TMEM260: variants seen among roughly 807,000 people sequenced by gnomAD.
TMEM260 encodes transmembrane protein 260, also known as protein O-mannosyl-transferase TMEM260.
A neutral mutation model predicts 88.9 loss-of-function variants in TMEM260; 82 were observed. The observed-to-expected ratio is 0.92, with a 90% CI of 0.77 to 1.11. The LOEUF is 1.11. Among genes scored for constraint, TMEM260 ranks in the 50% least tolerant of loss-of-function variants. TMEM260 has a pLI of 0.00. For synonymous variants in TMEM260, 314 were observed against 309.3 expected (o/e 1.02, Z -0.16); for missense variants, 902 against 853.4 (o/e 1.06, Z -0.71).
intron 3 of TMEM260, among the ~76,000 whole-genome samples, chr14:56,596,794 A>AAAAAATATATATAT (rs59623466): frequency 3.1e-4 from 42 of 136,298 alleles, no homozygotes; most frequent in African/African-American, 1.2e-3. Flanking sequence ...TAAAAAAAAA[A>AAAAAATATATATAT]ATATATATAT....
At chr14:56,642,881 C>G (rs766885236) in intron 15 of TMEM260, among the ~76,000 whole-genome samples, 2 of 152,144 alleles carry the variant, frequency 1.3e-5, no homozygotes, top group Non-Finnish European at 2.9e-5. Flanking sequence ...ACTATAAACA[C>G]GTCTATGCAA....
chr14:56,583,906 C>T (rs996979471), intron 1 of TMEM260, among the ~76,000 whole-genome samples: 2 of 151,952 alleles, frequency 1.3e-5, no homozygotes, highest in African/African-American at 4.8e-5. Context: ...AAAGCTTGAA[C>T]GTCATGCTGA....
At position 56,603,871 on chromosome 14, in the gene TMEM260, G is replaced by A. The variant is rs145455864; in HGVS notation, c.401G>A (p.Arg134His). Residue 134 changes from arginine to histidine, a missense_variant, in exon 4 of 16, where the codon CGT (arginine) becomes CAT (histidine). Coordinates refer to ENST00000261556, the MANE Select transcript of TMEM260 (RefSeq NM_017799.4). Reference sequence around the variant, plus strand: ...GCTGCGGGGGTGTTTTCATTTTCTCGTCTAACATGGCAGTGGTCCATTGCA... The same window carrying A: ...GCTGCGGGGGTGTTTTCATTTTCTCATCTAACATGGCAGTGGTCCATTGCA... ...ILAAGVFSFS[R>H]LTWQWSIAAE... 5.4e-5 allele frequency: 87 copies of A among 1,613,698 alleles called. No homozygotes were observed. Among genetic ancestry groups the A allele is most frequent in the South Asian group, 2.3e-4 (21 of 91,072 alleles).
At chr14:56,622,933 A>C (rs1355778977) in intron 11 of TMEM260, among the ~76,000 whole-genome samples, 1 of 152,166 alleles carries the variant, frequency 6.6e-6, no homozygotes, top group Non-Finnish European at 1.5e-5. Context: ...ATTCTGACAA[A>C]AGCTATGTTA....
chr14:56,614,943 T>C (rs939890763), intron 7 of TMEM260, among the ~76,000 whole-genome samples: 2 of 152,226 alleles, frequency 1.3e-5, no homozygotes, highest in African/African-American at 4.8e-5. Context: ...TGCATATCTC[T>C]AAATTGCAAT....
At chr14:56,592,147 C>G (rs1010898873) in intron 3 of TMEM260, among the ~76,000 whole-genome samples, 43 of 152,140 alleles carry the variant, frequency 2.8e-4, no homozygotes, top group African/African-American at 9.9e-4. Context: ...TTGATCAAAC[C>G]TCATGAAGTA....
At chr14:56,602,832 C>A (rs576526108) in intron 3 of TMEM260, among the ~76,000 whole-genome samples, 2 of 152,178 alleles carry the variant, frequency 1.3e-5, no homozygotes, top group African/African-American at 4.8e-5. Flanking sequence ...TAATGATTGA[C>A]TAAAGCCATA....
At chr14:56,579,788 G>T, upstream of TMEM260, 2 of 902,204 alleles carry the variant, frequency 2.2e-6, no homozygotes, top group South Asian at 1.2e-4. Context: ...GGTCCAACCC[G>T]CGGAGGCTCG....
downstream of TMEM260, among the ~76,000 whole-genome samples, chr14:56,654,178 G>C (rs79547429): frequency 0.011 from 1,620 of 152,102 alleles, 31 homozygotes; most frequent in African/African-American, 0.037. Flanking sequence ...TTATATCCCT[G>C]GCTTTTGACT....
At chr14:56,602,925 G>A (rs943565190) in intron 3 of TMEM260, among the ~76,000 whole-genome samples, 14 of 152,064 alleles carry the variant, frequency 9.2e-5, no homozygotes, top group South Asian at 6.2e-4. Flanking sequence ...ATTGTTGGAC[G>A]CAGTAATGCT....
At chr14:56,657,360 AT>A in the TMEM260 span, among the ~76,000 whole-genome samples, 4 of 152,130 alleles carry the variant, frequency 2.6e-5, no homozygotes, top group Non-Finnish European at 4.4e-5. Context: ...CCGGCTGGTC[AT>A]GAACTCCTGG....
intron 6 of TMEM260, among the ~76,000 whole-genome samples, chr14:56,610,948 T>C (rs1446928794): frequency 6.9e-6 from 1 of 144,746 alleles, no homozygotes; most frequent in Non-Finnish European, 1.5e-5. Context: ...CAAATATTCT[T>C]TTCTTTCTTT....
At chr14:56,623,685 T>G (rs1888068826) in intron 11 of TMEM260, among the ~76,000 whole-genome samples, 1 of 152,174 alleles carries the variant, frequency 6.6e-6, no homozygotes, top group Non-Finnish European at 1.5e-5. Flanking sequence ...AACAGTAAAG[T>G]CCATAGCACA....
chr14:56,603,298 T>C (rs1886689103), intron 3 of TMEM260, among the ~76,000 whole-genome samples: 2 of 152,190 alleles, frequency 1.3e-5, no homozygotes, highest in Non-Finnish European at 2.9e-5. Context: ...TATAAGATAT[T>C]GAAATCATCA....
chr14:56,661,560 GA>G, the TMEM260 span, among the ~76,000 whole-genome samples: 14,169 of 135,446 alleles, frequency 0.1, 1,065 homozygotes, highest in African/African-American at 0.22. Flanking sequence ...GGGAGGGAGG[GA>G]AAGAGGGAAG....
At chr14:56,617,525 AG>A (rs1887664309) in intron 9 of TMEM260, among the ~76,000 whole-genome samples, 1 of 152,220 alleles carries the variant, frequency 6.6e-6, no homozygotes. Flanking sequence ...GTAAATGTAA[AG>A]TAGATTTAAG....
Position 56,611,242 on chromosome 14 carries a change from A to G in TMEM260, c.817-1003A>G, listed in dbSNP as rs899604170. The stretch of plus-strand genomic sequence containing the variant: ...CGGCCTCCCAAAGTGCTGGGATTAC[A>G]GGTGTGAGCCACCGCACCCAGCCTG... On this transcript the variant is annotated intron_variant, in intron 6 of 15. Coordinates refer to ENST00000261556, the MANE Select transcript of TMEM260 (RefSeq NM_017799.4). Among the ~76,000 whole-genome samples the G allele has an allele frequency of 3.3e-5, 5 of 152,184 alleles. 1 individual carries two copies. In the South Asian group the frequency reaches 8.3e-4, roughly 25 times the overall value.
chr14:56,635,451 C>G (rs1481773255), intron 14 of TMEM260, among the ~76,000 whole-genome samples: 1 of 152,096 alleles, frequency 6.6e-6, no homozygotes, highest in Non-Finnish European at 1.5e-5. Flanking sequence ...AGCTCATAGT[C>G]TAATGAGCAG....
chr14:56,651,805 T>C (rs1267431527), downstream of TMEM260, among the ~76,000 whole-genome samples: 1 of 152,210 alleles, frequency 6.6e-6, no homozygotes, highest in Non-Finnish European at 1.5e-5. Flanking sequence ...ATAAGAAGTA[T>C]AGGGTGAAGT....
Sources: allele counts gnomAD v4.1 joint callset (sites outside exome capture counted in the v4.1 genomes callset), GRCh38; gene constraint gnomAD v4.1.1; transcripts MANE v1.5; gene names NCBI Gene and HGNC (gene_info 2026-07-23, HGNC 2026-07-21).